CHST11: variants seen among roughly 807,000 people sequenced by gnomAD.
CHST11 encodes the protein carbohydrate sulfotransferase 11.
A neutral mutation model predicts 30.4 loss-of-function variants in CHST11; 9 were observed. The observed-to-expected ratio is 0.30, with a 90% confidence interval of 0.18 to 0.52. The LOEUF is 0.52. Ranked by LOEUF, CHST11 falls within the 20% of genes least tolerant of loss-of-function variation. The pLI is 0.97. For synonymous variants in CHST11, 152 were observed against 187.8 expected (o/e 0.81, Z 1.56); for missense variants, 348 against 460.6 (o/e 0.76, Z 2.24).
At chr12:104,664,387 C>A (rs2039624146) in intron 2 of CHST11, among the ~76,000 whole-genome samples, 1 of 152,102 alleles carries the variant, frequency 6.6e-6, no homozygotes, top group Non-Finnish European at 1.5e-5. Flanking sequence ...GACAGCAAGG[C>A]CTTTTTGTTA....
At chr12:104,479,110 A>T (rs978418767) in intron 1 of CHST11, among the ~76,000 whole-genome samples, 3 of 151,968 alleles carry the variant, frequency 2.0e-5, no homozygotes, top group African/African-American at 7.3e-5. Flanking sequence ...TATTGGTAGA[A>T]ATTGGATGCA....
intron 2 of CHST11, among the ~76,000 whole-genome samples, chr12:104,606,419 A>G (rs867968548): frequency 6.6e-6 from 1 of 152,234 alleles, no homozygotes; most frequent in South Asian, 2.1e-4. Context: ...TAAATGTATA[A>G]TACATGCCAG....
At chr12:104,544,282 C>A (rs1322346315) in intron 1 of CHST11, among the ~76,000 whole-genome samples, 1 of 151,998 alleles carries the variant, frequency 6.6e-6, no homozygotes, top group Non-Finnish European at 1.5e-5. Context: ...AGGCTAATTT[C>A]TTAGAAAATA....
intron 1 of CHST11, among the ~76,000 whole-genome samples, chr12:104,485,903 C>T (rs1304849605): frequency 6.6e-6 from 1 of 152,186 alleles, no homozygotes; most frequent in Non-Finnish European, 1.5e-5. Flanking sequence ...CATTGTTAGG[C>T]GGCAGGGTGA....
chr12:104,606,497 A>G (rs1176080393), intron 2 of CHST11, among the ~76,000 whole-genome samples: 1 of 152,220 alleles, frequency 6.6e-6, no homozygotes, highest in Non-Finnish European at 1.5e-5. Context: ...GAAGGTCTCC[A>G]GTAACCCCGT....
chr12:104,480,647 G>A (rs909877651), intron 1 of CHST11, among the ~76,000 whole-genome samples: 24 of 151,398 alleles, frequency 1.6e-4, no homozygotes, highest in African/African-American at 2.2e-4. Flanking sequence ...TATGACTAGC[G>A]TCCTTATTAT....
At chr12:104,628,337 G>A (rs1159522022) in intron 2 of CHST11, among the ~76,000 whole-genome samples, 1 of 152,110 alleles carries the variant, frequency 6.6e-6, no homozygotes, top group African/African-American at 2.4e-5. Context: ...GACTGCACGT[G>A]CCCAGACCAT....
At chr12:104,602,846 G>C (rs2038969855) in intron 2 of CHST11, among the ~76,000 whole-genome samples, 1 of 152,166 alleles carries the variant, frequency 6.6e-6, no homozygotes. Flanking sequence ...ACCTGGTGGA[G>C]GAAGATAATG....
chr12:104,589,696 A>G (rs2038839118), intron 1 of CHST11, among the ~76,000 whole-genome samples: 1 of 152,236 alleles, frequency 6.6e-6, no homozygotes, highest in Non-Finnish European at 1.5e-5. Flanking sequence ...GTTTGACTAC[A>G]GAATCAAATG....
intron 2 of CHST11, among the ~76,000 whole-genome samples, chr12:104,646,543 C>T (rs567071672): frequency 5.9e-5 from 9 of 152,212 alleles, no homozygotes; most frequent in African/African-American, 2.2e-4. Flanking sequence ...ACCATCCTGG[C>T]CAACACGGTG....
chr12:104,670,567 C>T (rs1161218483), intron 2 of CHST11, among the ~76,000 whole-genome samples: 1 of 150,530 alleles, frequency 6.6e-6, no homozygotes, highest in Non-Finnish European at 1.5e-5. Context: ...ACATACACAC[C>T]CACACATGCA....
rs2037914313 is a variant in CHST11, at chr12:104,507,077, C to G, written c.118+49548C>G. Among the ~76,000 whole-genome samples, 3 of 152,242 alleles carry G rather than the reference C, an allele frequency of 2.0e-5. No individual in the cohort carries two copies. The South Asian group carries it at 6.2e-4, about 32-fold the overall frequency. ...GCCCCTGCTGGCTCCAGGTGCTGGT[C>G]CCAGAAGGCATCTTTGGAGGGAAGG... On this transcript the variant is annotated intron_variant, in intron 1 of 2. Transcript: ENST00000303694.
Position 104,729,524 on chromosome 12 carries a change from C to A in CHST11, c.205-27425C>A, listed in dbSNP as rs1468091299. Among the ~76,000 whole-genome samples the A allele has an allele frequency of 1.3e-5, 2 of 152,282 alleles. No individual in the cohort carries two copies. The highest frequency in any genetic ancestry group is 1.9e-4 in the East Asian group (1 of 5,166). ...GCCCAGGAATCTGCATTTTAACAAG[C>A]CCCTGCCCTCTGACTTTGAGATCCA... On this transcript the variant is annotated intron_variant, in intron 2 of 2. Transcript: ENST00000303694. The surrounding 1 kb of genome is among the most constrained non-coding windows in gnomAD (Gnocchi z 4.0).
At chr12:104,509,567 C>A (rs909574134) in intron 1 of CHST11, among the ~76,000 whole-genome samples, 1 of 152,138 alleles carries the variant, frequency 6.6e-6, no homozygotes, top group South Asian at 2.1e-4. Context: ...TCAATTTATA[C>A]CTGTTGAACA....
intron 2 of CHST11, among the ~76,000 whole-genome samples, chr12:104,642,370 G>A (rs1422398684): frequency 1.3e-5 from 2 of 152,024 alleles, no homozygotes; most frequent in African/African-American, 4.8e-5. Flanking sequence ...GTACCTATGC[G>A]CATTTCTTTT....
intron 2 of CHST11, among the ~76,000 whole-genome samples, chr12:104,692,944 A>G (rs901595905): frequency 6.8e-6 from 1 of 146,324 alleles, no homozygotes; most frequent in Admixed American, 7.4e-5. Flanking sequence ...AAAGGCTGGG[A>G]CTGCTGACTT....
At chr12:104,678,269 C>G (rs150362269) in intron 2 of CHST11, among the ~76,000 whole-genome samples, 1 of 152,262 alleles carries the variant, frequency 6.6e-6, no homozygotes, top group Admixed American at 6.5e-5. Context: ...ATATCCTTCC[C>G]CAACATTTCC....
At chr12:104,492,860 C>A (rs139305033) in intron 1 of CHST11, among the ~76,000 whole-genome samples, 1 of 152,170 alleles carries the variant, frequency 6.6e-6, no homozygotes, top group Non-Finnish European at 1.5e-5. Context: ...GGTGAAACCC[C>A]GTCTCTACTA....
chr12:104,614,055 G>A (rs181274657), intron 2 of CHST11, among the ~76,000 whole-genome samples: 1 of 152,278 alleles, frequency 6.6e-6, no homozygotes, highest in Non-Finnish European at 1.5e-5. Context: ...CTGACTACAC[G>A]AAAAATGATA....
Sources: gnomAD v4.1 joint callset for allele counts (sites outside exome capture counted in the v4.1 genomes callset) on GRCh38, gnomAD v4.1.1 for gene constraint, Gnocchi (gnomAD v3.1) non-coding constraint, MANE v1.5 for transcripts, NCBI Gene and HGNC (gene_info 2026-07-23, HGNC 2026-07-21) for gene names.